Variants in PIK3R1 observed in about 807,000 individuals in gnomAD.
The protein encoded by PIK3R1 is phosphatidylinositol 3-kinase regulatory subunit alpha.
A neutral mutation model predicts 98.0 loss-of-function variants in PIK3R1; 29 were observed. The ratio of observed to expected loss-of-function variants is 0.30; its 90% confidence interval spans 0.22 to 0.40. The LOEUF is 0.40. Ranked by LOEUF, PIK3R1 falls within the 10% of genes least tolerant of loss-of-function variation. PIK3R1 has a pLI of 1.00. For synonymous variants in PIK3R1, 282 were observed against 311.8 expected, an observed-to-expected ratio of 0.90 and a Z score of 1.01; for missense variants, 596 against 872.7, an observed-to-expected ratio of 0.68 and a Z score of 3.99.
chr5:68,280,017 C>T (rs559148103), intron 5 of PIK3R1, among the ~76,000 whole-genome samples: 2 of 152,282 alleles, frequency 1.3e-5, no homozygotes, highest in Admixed American at 6.5e-5. Flanking sequence ...CACGGTCTTC[C>T]AAGTACTAGT....
rs1747876246 is a variant in PIK3R1 at position 68,298,843 on chromosome 5, AG to A, written c.*1243del. The A allele has an allele frequency of 4.4e-6, 1 of 229,098 alleles. No homozygotes were observed. The highest frequency in any genetic ancestry group is 8.7e-6 in the Non-Finnish European group (1 of 115,424). The allele number at this position is 229,098 out of a possible 1,614,324, so 14.2% of individuals were successfully genotyped here. On this transcript the variant is annotated 3_prime_UTR_variant, in exon 16 of 16. Coordinates refer to ENST00000521381, the MANE Select transcript of PIK3R1 (RefSeq NM_181523.3). Reference sequence around the variant, plus strand: ...GTACCTGGCAATGTTTATTTCATAAAGAATTGTGAACTTCTTGAATCTAGGG... The same window carrying A: ...GTACCTGGCAATGTTTATTTCATAAAAATTGTGAACTTCTTGAATCTAGGG...
intron 2 of PIK3R1, among the ~76,000 whole-genome samples, chr5:68,231,813 T>G (rs1347589625): frequency 6.6e-6 from 1 of 152,254 alleles, no homozygotes; most frequent in Non-Finnish European, 1.5e-5. Flanking sequence ...GCTGTGAACT[T>G]GGAGGTTTGT....
chr5:68,281,985 G>A (rs893629085), intron 7 of PIK3R1, among the ~76,000 whole-genome samples: 1 of 152,176 alleles, frequency 6.6e-6, no homozygotes, highest in Non-Finnish European at 1.5e-5. Context: ...CCTGCAGCAG[G>A]TAGGATAGAG....
intron 3 of PIK3R1, 119 bp downstream of exon 3, chr5:68,273,601 T>C (rs1746450721): frequency 1.2e-6 from 1 of 852,620 alleles, no homozygotes; most frequent in South Asian, 1.4e-5. Context: ...GTCCAGATAC[T>C]CTGCTGGACA....
At position 68,301,020 on chromosome 5, in the gene PIK3R1, T is replaced by G. The variant is rs1484638055; in HGVS notation, c.*3419T>G. The G allele has an allele frequency of 1.3e-5, 3 of 232,518 alleles. No individual in the cohort carries two copies. The highest frequency in any genetic ancestry group is 1.8e-4 in the South Asian group (1 of 5,516). The allele number at this position is 232,518 out of a possible 1,614,324, so 14.4% of individuals were successfully genotyped here. A position where few individuals can be genotyped will look rare whatever the true frequency, so the allele number is the denominator to read the frequency against. ...ATGAACTAGTAACATGTTTGGGAAG[T>G]CCTACTGATGTTCCTTTGGAAGAAA... On this transcript the variant is annotated 3_prime_UTR_variant, in exon 16 of 16. Coordinates refer to ENST00000521381, the MANE Select transcript of PIK3R1 (RefSeq NM_181523.3).
intron 2 of PIK3R1, among the ~76,000 whole-genome samples, chr5:68,239,537 C>T (rs911833843): frequency 6.6e-6 from 1 of 152,118 alleles, no homozygotes; most frequent in Non-Finnish European, 1.5e-5. Context: ...GTGACACTGG[C>T]CTTATTATAC....
chr5:68,240,417 T>A (rs764045860), intron 2 of PIK3R1, among the ~76,000 whole-genome samples: 1 of 152,232 alleles, frequency 6.6e-6, no homozygotes, highest in Non-Finnish European at 1.5e-5. Context: ...GCTTTAACAT[T>A]TAGAGGAAGT....
chr5:68,218,305 C>A (rs772282010), intron 1 of PIK3R1, among the ~76,000 whole-genome samples: 1 of 152,192 alleles, frequency 6.6e-6, no homozygotes, highest in Admixed American at 6.5e-5. Flanking sequence ...TGCAAACCTA[C>A]TCAAACTAAC....
chr5:68,227,140 G>A, intron 2 of PIK3R1, 131 bp downstream of exon 2: 2 of 743,922 alleles, frequency 2.7e-6, no homozygotes, highest in Non-Finnish European at 4.4e-6. Flanking sequence ...TTGATGTGTG[G>A]TGCATAAAAG....
chr5:68,270,198 A>C (rs1438003393), intron 2 of PIK3R1, among the ~76,000 whole-genome samples: 1 of 152,170 alleles, frequency 6.6e-6, no homozygotes, highest in African/African-American at 2.4e-5. Context: ...AAAACATATA[A>C]TGTTTTGTAG....
intron 10 of PIK3R1, 30 bp downstream of exon 10, chr5:68,293,513 A>G: frequency 6.6e-7 from 1 of 1,519,608 alleles, no homozygotes; most frequent in Non-Finnish European, 9.1e-7. Context: ...TTATCCAGTT[A>G]CGATGTTTAG....
At chr5:68,293,238 T>C (rs1195730587) in intron 9 of PIK3R1, 39 bp downstream of exon 9, 2 of 1,597,596 alleles carry the variant, frequency 1.3e-6, no homozygotes, top group East Asian at 4.5e-5. Flanking sequence ...GGTTTTGGGC[T>C]GATATTAAAA....
intron 2 of PIK3R1, among the ~76,000 whole-genome samples, chr5:68,259,443 C>T (rs1276653728): frequency 2.0e-5 from 3 of 152,110 alleles, no homozygotes; most frequent in African/African-American, 7.2e-5. Context: ...ATCTTTTCTT[C>T]CAAAATGAAT....
intron 2 of PIK3R1, among the ~76,000 whole-genome samples, chr5:68,234,568 C>T (rs779118809): frequency 1.3e-5 from 2 of 152,164 alleles, no homozygotes; most frequent in Non-Finnish European, 2.9e-5. Context: ...AATATTTAGG[C>T]TCTACTTCTG....
intron 7 of PIK3R1, among the ~76,000 whole-genome samples, chr5:68,285,210 A>G (rs1299760529): frequency 6.6e-6 from 1 of 152,240 alleles, no homozygotes; most frequent in Non-Finnish European, 1.5e-5. Context: ...CCTCAAGCCC[A>G]GAGTGGAAAA....
chr5:68,296,741 G>A (rs779805881), intron 15 of PIK3R1, among the ~76,000 whole-genome samples: 1 of 151,848 alleles, frequency 6.6e-6, no homozygotes, highest in African/African-American at 2.4e-5. Flanking sequence ...ATACTCATCA[G>A]GAACAGGTGA....
Position 68,273,939 on chromosome 5 carries a change from G to A in PIK3R1, c.428G>A (p.Gly143Asp). Residue 143 changes from glycine (G) to aspartate (D), a missense_variant and splice_region_variant, in exon 4 of 16, where the codon GGT becomes GAT. Gly to Asp is a moderately conservative substitution (Grantham distance 94). Around this residue, in one of 3 missense-constraint regions of PIK3R1, gnomAD observed 352 missense variants for 393.3 expected, o/e 0.90. Transcript: ENST00000521381. ...GTCTGTGGTCTGTTTTGTGTCCTAG[G>A]TCTGGAATGTTCAACTCTATACAGA... The part of the protein sequence containing the change: ...IKLVEAIEKK[G>D]LECSTLYRTQ... The A allele has an allele frequency of 1.2e-6, 2 of 1,612,994 alleles. No homozygotes were observed. The highest frequency in any genetic ancestry group is 1.7e-6 in the Non-Finnish European group (2 of 1,179,012).
intron 7 of PIK3R1, among the ~76,000 whole-genome samples, chr5:68,286,468 C>G (rs1338356566): frequency 6.6e-6 from 1 of 152,120 alleles, no homozygotes; most frequent in African/African-American, 2.4e-5. Flanking sequence ...ATGGTTTTCT[C>G]CCAAAGCAGG....
At position 68,301,536 on chromosome 5, in the gene PIK3R1, ACT is replaced by A. The variant is rs1561309113; in HGVS notation, c.*3937_*3938del. On this transcript the variant is annotated 3_prime_UTR_variant, in exon 16 of 16. Coordinates refer to ENST00000521381, the MANE Select transcript of PIK3R1 (RefSeq NM_181523.3). ...TTTAAAAAAATCAAAACAAAAAAAAACTCATTTATACCTGTGTATTTTTTAAA... is the reference window on the plus strand; with the variant it reads ...TTTAAAAAAATCAAAACAAAAAAAAACATTTATACCTGTGTATTTTTTAAA... 6.6e-6 allele frequency: 1 copy of A among 152,382 alleles called. No homozygotes were observed. The highest frequency in any genetic ancestry group is 1.4e-5 in the Non-Finnish European group (1 of 70,400). 9.4% of individuals were successfully genotyped at this position (152,382 alleles called of 1,614,324 possible).
Sources: allele counts gnomAD v4.1 joint callset (sites outside exome capture counted in the v4.1 genomes callset), GRCh38; gene constraint gnomAD v4.1.1; regional missense constraint gnomAD v4.1.1; transcripts MANE v1.5; gene names NCBI Gene and HGNC (gene_info 2026-07-23, HGNC 2026-07-21).